The following CSMD1 variants were observed in gnomAD, a reference collection of about 807,000 sequenced individuals.
CSMD1 encodes CUB and sushi domain-containing protein 1.
CSMD1 carries 213 observed loss-of-function variants against 417.5 expected under a neutral mutation model. That is an observed-to-expected ratio of 0.51 (90% CI 0.46 to 0.57). The LOEUF is 0.57. Ranked by LOEUF, CSMD1 falls within the 20% of genes least tolerant of loss-of-function variation. The pLI is 0.00. For synonymous variants in CSMD1, 2,862 were observed against 1,736.8 expected, an observed-to-expected ratio of 1.65 and a Z score of -16.11; for missense variants, 6,923 against 4,529.7, an observed-to-expected ratio of 1.53 and a Z score of -15.17.
intron 1 of CSMD1, among the ~76,000 whole-genome samples, chr8:4,748,828 G>A (rs112968913): frequency 6.6e-6 from 1 of 152,142 alleles, no homozygotes; most frequent in East Asian, 1.9e-4. Context: ...TGCCCCTTCG[G>A]GAGAGTTCAC....
intron 3 of CSMD1, among the ~76,000 whole-genome samples, chr8:4,336,582 T>C (rs960392919): frequency 1.3e-5 from 2 of 152,196 alleles, no homozygotes; most frequent in African/African-American, 4.8e-5. Flanking sequence ...TGGTGAAGCA[T>C]GAATTTATTT....
intron 5 of CSMD1, among the ~76,000 whole-genome samples, chr8:3,839,565 A>G (rs994539514): frequency 2.3e-5 from 3 of 132,054 alleles, no homozygotes; most frequent in Non-Finnish European, 3.1e-5. Flanking sequence ...ATTATAATAT[A>G]TAATATTAAT....
At chr8:4,540,945 C>G (rs892999658) in intron 2 of CSMD1, among the ~76,000 whole-genome samples, 11 of 152,164 alleles carry the variant, frequency 7.2e-5, no homozygotes, top group Admixed American at 5.9e-4. Context: ...AGCTATGATT[C>G]TTGCATACAA....
intron 3 of CSMD1, among the ~76,000 whole-genome samples, chr8:4,274,455 C>T (rs1385382379): frequency 6.6e-6 from 1 of 152,150 alleles, no homozygotes; most frequent in South Asian, 2.1e-4. Flanking sequence ...GATTAATCGT[C>T]AGCACAGTCG....
chr8:4,466,631 T>G (rs539662721), intron 2 of CSMD1, among the ~76,000 whole-genome samples: 2 of 152,294 alleles, frequency 1.3e-5, no homozygotes, highest in South Asian at 4.1e-4. Context: ...TTTTTTGACT[T>G]TATTTAAATG....
intron 42 of CSMD1, 82 bp downstream of exon 42, chr8:3,118,317 A>T: frequency 1.1e-6 from 1 of 940,718 alleles, no homozygotes; most frequent in Non-Finnish European, 1.6e-6. Flanking sequence ...TTAATAAATT[A>T]CTGGATATGT....
At chr8:4,125,853 G>A (rs994161112) in intron 3 of CSMD1, among the ~76,000 whole-genome samples, 1 of 152,078 alleles carries the variant, frequency 6.6e-6, no homozygotes, top group Non-Finnish European at 1.5e-5. Context: ...TGCTTTGCAG[G>A]ACTAACAAAT....
chr8:3,455,102 A>G (rs1017654755), intron 12 of CSMD1, among the ~76,000 whole-genome samples: 1 of 152,110 alleles, frequency 6.6e-6, no homozygotes, highest in African/African-American at 2.4e-5. Flanking sequence ...TATCGATCGA[A>G]TCGGCTACTG....
intron 25 of CSMD1, among the ~76,000 whole-genome samples, chr8:3,298,807 G>C: frequency 6.6e-6 from 1 of 152,154 alleles, no homozygotes. Flanking sequence ...AGTCTTAATA[G>C]TGATTGTCCT....
At chr8:4,273,296 A>T (rs1046887910) in intron 3 of CSMD1, among the ~76,000 whole-genome samples, 2 of 152,294 alleles carry the variant, frequency 1.3e-5, no homozygotes, top group Non-Finnish European at 2.9e-5. Flanking sequence ...GTATATGTAT[A>T]TAATTTTTCC....
chr8:3,968,249 G>C (rs1380510268), intron 5 of CSMD1, among the ~76,000 whole-genome samples: 2 of 151,918 alleles, frequency 1.3e-5, no homozygotes, highest in African/African-American at 4.8e-5. Context: ...ATTTCTCAAT[G>C]TACTTTGTTT....
chr8:4,865,092 C>A (rs1802350369), intron 1 of CSMD1, among the ~76,000 whole-genome samples: 1 of 151,190 alleles, frequency 6.6e-6, no homozygotes, highest in African/African-American at 2.4e-5. Context: ...TTTTCTGTTA[C>A]CTGGATGAAT....
chr8:3,288,400 T>C (rs1803309250), intron 25 of CSMD1, among the ~76,000 whole-genome samples: 1 of 147,288 alleles, frequency 6.8e-6, no homozygotes, highest in Admixed American at 6.7e-5. Context: ...GTACCTCTGG[T>C]AGAATTCGGC....
At chr8:4,756,660 G>GA (rs1811687634) in intron 1 of CSMD1, among the ~76,000 whole-genome samples, 1 of 152,102 alleles carries the variant, frequency 6.6e-6, no homozygotes, top group Non-Finnish European at 1.5e-5. Context: ...TGGAGGATCA[G>GA]AAAAAATAGA....
intron 3 of CSMD1, among the ~76,000 whole-genome samples, chr8:4,412,936 C>CA (rs1315316425): frequency 1.3e-5 from 2 of 151,622 alleles, no homozygotes; most frequent in African/African-American, 4.9e-5. Flanking sequence ...GTTGACGCCT[C>CA]AGGTTAACAG....
intron 2 of CSMD1, among the ~76,000 whole-genome samples, chr8:4,573,424 C>T (rs113717171): frequency 0.011 from 1,610 of 152,248 alleles, 26 homozygotes; most frequent in African/African-American, 0.037. Flanking sequence ...ACTCCAGACC[C>T]TCTTTCCTGG....
At chr8:3,810,505 T>C (rs934332818) in intron 5 of CSMD1, among the ~76,000 whole-genome samples, 2 of 152,088 alleles carry the variant, frequency 1.3e-5, no homozygotes, top group African/African-American at 2.4e-5. Context: ...GGGCTGGTCA[T>C]GGAAGAGGTC....
At chr8:3,100,853 C>T (rs919656035) in intron 46 of CSMD1, among the ~76,000 whole-genome samples, 1 of 151,998 alleles carries the variant, frequency 6.6e-6, no homozygotes, top group African/African-American at 2.4e-5. Flanking sequence ...ATAGGTATGA[C>T]AGAATTGGAG....
At chr8:3,301,115 G>C (rs952079512) in intron 25 of CSMD1, among the ~76,000 whole-genome samples, 1 of 151,986 alleles carries the variant, frequency 6.6e-6, no homozygotes, top group African/African-American at 2.4e-5. Flanking sequence ...AATAATACAT[G>C]ATTTCTTCAA....
Sources: allele counts gnomAD v4.1 joint callset (sites outside exome capture counted in the v4.1 genomes callset), GRCh38; gene constraint gnomAD v4.1.1; transcripts MANE v1.5; gene names NCBI Gene and HGNC (gene_info 2026-07-23, HGNC 2026-07-21).